Variants in TECPR2 observed in about 807,000 individuals in gnomAD.
TECPR2 encodes tectonin beta-propeller repeat-containing protein 2.
In TECPR2, 65 loss-of-function variants were observed where a neutral mutation model predicts 138.1. The observed-to-expected ratio is 0.47, with a 90% CI of 0.39 to 0.58. TECPR2 has a LOEUF of 0.58. TECPR2 is among the 20% of genes least tolerant of loss of function. The pLI is 0.00. For missense variants in TECPR2, 1,553 were observed against 1,824.5 expected (o/e 0.85, Z 2.71); for synonymous variants, 746 against 749.8 (o/e 0.99, Z 0.08).
intron 7 of TECPR2, among the ~76,000 whole-genome samples, chr14:102,431,203 C>T (rs554257156): frequency 4.8e-5 from 7 of 146,068 alleles, no homozygotes; most frequent in Admixed American, 2.0e-4. Context: ...TTTGAGACTC[C>T]GTCTCAAAAA....
intron 4 of TECPR2, among the ~76,000 whole-genome samples, chr14:102,411,808 A>AC (rs1336954718): frequency 6.6e-6 from 1 of 151,196 alleles, no homozygotes; most frequent in East Asian, 1.9e-4. Flanking sequence ...AACTGGCTTT[A>AC]CACAGACATG....
At chr14:102,453,578 A>C (rs558340376) in intron 16 of TECPR2, among the ~76,000 whole-genome samples, 2 of 152,268 alleles carry the variant, frequency 1.3e-5, no homozygotes, top group East Asian at 3.9e-4. Flanking sequence ...CCACAACATT[A>C]GATTTCTCTC....
At chr14:102,428,873 G>T (rs1397885484) in intron 7 of TECPR2, among the ~76,000 whole-genome samples, 1 of 149,290 alleles carries the variant, frequency 6.7e-6, no homozygotes, top group Non-Finnish European at 1.5e-5. Context: ...TTGAGATGGA[G>T]TTTCGCTCTT....
Position 102,498,246 on chromosome 14 carries a change from G to C in TECPR2, c.4225G>C (p.Glu1409Gln). ...CCCTGAGGACCTGGAGGACGAGTGG[G>C]AGGTCATCTGAAGGAGCCCTGGCCG... ...PHPEDLEDEW[E>Q]VI Residue 1409 changes from glutamate to glutamine, a missense_variant, in exon 20 of 20, where the codon GAG (glutamate) becomes CAG (glutamine). Physicochemically the swap from Glu to Gln is conservative, Grantham distance 29. Transcript: ENST00000359520. The C allele has an allele frequency of 6.2e-7, 1 of 1,601,852 alleles. No homozygotes were observed. Among genetic ancestry groups the C allele is most frequent in the Non-Finnish European group, 8.5e-7 (1 of 1,179,762 alleles).
intron 17 of TECPR2, among the ~76,000 whole-genome samples, chr14:102,477,558 T>G (rs1435034984): frequency 4.0e-5 from 6 of 149,448 alleles, no homozygotes; most frequent in East Asian, 4.1e-4. Flanking sequence ...CTGGTTTTTT[T>G]TTTTTTTTTT....
chr14:102,450,743 G>A (rs1890118514), intron 15 of TECPR2, 94 bp downstream of exon 15: 57 of 1,297,470 alleles, frequency 4.4e-5, no homozygotes, highest in Non-Finnish European at 5.8e-5. Flanking sequence ...TGTTGGTTAT[G>A]GGGCATGCCT....
intron 1 of TECPR2, among the ~76,000 whole-genome samples, chr14:102,370,573 G>C (rs1430810445): frequency 1.3e-5 from 2 of 152,208 alleles, no homozygotes; most frequent in Non-Finnish European, 1.5e-5. Context: ...TGTGGCTGGA[G>C]GACAAGTGAG....
At chr14:102,496,927 TTCTC>T in intron 17 of TECPR2, 48 bp from the exon 18 acceptor site, 1 of 1,600,038 alleles carries the variant, frequency 6.2e-7, no homozygotes, top group Non-Finnish European at 8.5e-7. Flanking sequence ...CTCCTGTCCT[TTCTC>T]TTGTCACCCA....
Position 102,378,538 on chromosome 14 carries a change from G to A in TECPR2, c.219+1598G>A, listed in dbSNP as rs79421104. The stretch of plus-strand genomic sequence containing the variant: ...CTAAGGAGACAGCTGGTGAAGAGAG[G>A]GTAGGTGACTTGCCTGAGGTTGGCT... On this transcript the variant is annotated intron_variant, in intron 2 of 19. Coordinates refer to ENST00000359520, the MANE Select transcript of TECPR2 (RefSeq NM_014844.5). 3.9e-3 allele frequency among the ~76,000 whole-genome samples: 599 copies of A among 152,192 alleles called. 2 individuals are homozygous for A. Among genetic ancestry groups the A allele is most frequent in the African/African-American group, 0.013 (545 of 41,542 alleles).
chr14:102,469,040 TCTAA>T (rs1340736653), intron 17 of TECPR2, among the ~76,000 whole-genome samples: 3 of 152,210 alleles, frequency 2.0e-5, no homozygotes, highest in Non-Finnish European at 4.4e-5. Flanking sequence ...GTATGAATCC[TCTAA>T]CTTTTTCTTT....
At chr14:102,427,788 G>A (rs1889363428) in intron 6 of TECPR2, among the ~76,000 whole-genome samples, 1 of 152,194 alleles carries the variant, frequency 6.6e-6, no homozygotes, top group Non-Finnish European at 1.5e-5. Context: ...TGGATGAGGT[G>A]CTGCAAGCCC....
At chr14:102,455,770 C>T (rs1313875002) in intron 16 of TECPR2, among the ~76,000 whole-genome samples, 1 of 152,226 alleles carries the variant, frequency 6.6e-6, no homozygotes, top group Non-Finnish European at 1.5e-5. Context: ...CACCACCACA[C>T]CTGGCTAATT....
At chr14:102,438,409 C>T (rs549104972) in intron 10 of TECPR2, 6 of 598,228 alleles carry the variant, frequency 1.0e-5, no homozygotes, top group African/African-American at 1.9e-5. Flanking sequence ...GATGTCAATT[C>T]GTAGTGTAAA....
intron 2 of TECPR2, among the ~76,000 whole-genome samples, chr14:102,379,470 A>C (rs1887733255): frequency 1.3e-5 from 2 of 151,024 alleles, no homozygotes; most frequent in Admixed American, 6.6e-5. Flanking sequence ...CCATGCACAG[A>C]GGCGTCCTGG....
intron 1 of TECPR2, among the ~76,000 whole-genome samples, chr14:102,366,510 C>T (rs1259854280): frequency 2.0e-5 from 3 of 152,086 alleles, no homozygotes; most frequent in Non-Finnish European, 4.4e-5. Flanking sequence ...CCACACCTGG[C>T]TAATTTTTGT....
chr14:102,433,785 GT>G, intron 8 of TECPR2, among the ~76,000 whole-genome samples: 1 of 152,268 alleles, frequency 6.6e-6, no homozygotes, highest in South Asian at 2.1e-4. Context: ...GCCTCCCAAA[GT>G]GCTAGGATGG....
At position 102,438,248 on chromosome 14, in the gene TECPR2, G is replaced by A. The variant is rs555491825; in HGVS notation, c.2578+43G>A. 4.5e-6 allele frequency: 7 copies of A among 1,564,424 alleles called. No homozygotes were observed. In the African/African-American group the frequency reaches 8.2e-5, roughly 18 times the overall value. On this transcript the variant is annotated intron_variant, in intron 10 of 19. Transcript: ENST00000359520. ...CTGCTCCCGCTCCCTGCTCCCGCTCGCCGCTCCTGCTCCCCGCCCCCGGGG... is the reference window on the plus strand; with the variant it reads ...CTGCTCCCGCTCCCTGCTCCCGCTCACCGCTCCTGCTCCCCGCCCCCGGGG...
intron 17 of TECPR2, among the ~76,000 whole-genome samples, chr14:102,475,241 G>A (rs1207626897): frequency 6.6e-6 from 1 of 152,236 alleles, no homozygotes. Flanking sequence ...AGGACAGAGG[G>A]TGTTCTAAGC....
chr14:102,379,730 T>C (rs1388309706), intron 2 of TECPR2, among the ~76,000 whole-genome samples: 2 of 125,454 alleles, frequency 1.6e-5, no homozygotes, highest in Admixed American at 7.9e-5. Context: ...CACAGAGGCA[T>C]CTTAGTCACA....
Sources: allele counts gnomAD v4.1 joint callset (sites outside exome capture counted in the v4.1 genomes callset), GRCh38; gene constraint gnomAD v4.1.1; transcripts MANE v1.5; gene names NCBI Gene and HGNC (gene_info 2026-07-23, HGNC 2026-07-21).